Variants in DDX55 observed in about 807,000 individuals in gnomAD.
DDX55 encodes ATP-dependent RNA helicase DDX55.
DDX55 carries 56 observed loss-of-function variants against 69.2 expected under a neutral mutation model. The observed-to-expected ratio is 0.81, with a 90% confidence interval of 0.65 to 1.01. The LOEUF is 1.01. DDX55 is among the 50% of genes least tolerant of loss of function. The probability of loss-of-function intolerance (pLI) is 0.00; values close to 1 mark genes in which losing one functional copy is unlikely to be tolerated. For synonymous variants in DDX55, 268 were observed against 273.1 expected (o/e 0.98, Z 0.18); for missense variants, 720 against 745.1 (o/e 0.97, Z 0.39).
At position 123,616,568 on chromosome 12, in the gene DDX55, C is replaced by G; in HGVS notation, c.1014C>G (p.Asn338Lys). ...MARGIDIPEV[N>K]WVLQYDPPSN... is the part of the protein sequence containing the mutation. ...GGGGAATTGATATTCCTGAAGTCAA[C>G]TGGGTTTTGCAGTATGACCCTCCCA... is the stretch of plus-strand genomic sequence containing the variant. The change falls in exon 10 of 14, where the codon AAC becomes AAG. Residue 338 changes from asparagine to lysine, a missense_variant. Transcript: ENST00000238146. 6 of 1,614,152 alleles carry G rather than the reference C, an allele frequency of 3.7e-6. No individual in the cohort carries two copies. The African/African-American group carries it at 8.0e-5, about 22-fold the overall frequency.
Position 123,620,588 on chromosome 12 carries a change from A to ATATATATT in DDX55, c.*455_*456insTTATATAT. 1 of 52,632 alleles carries ATATATATT rather than the reference A, an allele frequency of 1.9e-5. No individual in the cohort carries two copies. Among genetic ancestry groups the ATATATATT allele is most frequent in the African/African-American group, 6.9e-5 (1 of 14,480 alleles). 3.3% of individuals were successfully genotyped at this position (52,632 alleles called of 1,614,324 possible). On this transcript the variant is annotated 3_prime_UTR_variant, in exon 14 of 14. Transcript: ENST00000238146. Reference sequence around the variant, plus strand: ...ATAGACATATGTACATATTATATATATATATATATATATATATATATATAT... The same window carrying ATATATATT: ...ATAGACATATGTACATATTATATATATATATATTTATATATATATATATATATATATAT...
At chr12:123,604,235 G>A (rs73216979) in intron 1 of DDX55, among the ~76,000 whole-genome samples, 62 of 151,864 alleles carry the variant, frequency 4.1e-4, no homozygotes, top group Non-Finnish European at 6.3e-4. Context: ...AGTGAGACCC[G>A]CATCTTCGAA....
intron 9 of DDX55, among the ~76,000 whole-genome samples, chr12:123,616,122 T>C (rs554763620): frequency 3.3e-5 from 5 of 152,242 alleles, no homozygotes; most frequent in Non-Finnish European, 5.9e-5. Context: ...TTTTCTGTTT[T>C]TCTTAATCAT....
At chr12:123,615,058 T>C in intron 8 of DDX55, 127 bp from the exon 9 acceptor site, 1 of 1,292,954 alleles carries the variant, frequency 7.7e-7, no homozygotes, top group East Asian at 2.4e-5. Flanking sequence ...CCATTTTCCT[T>C]GTCATTCCCC....
At chr12:123,612,228 C>T (rs1184785290) in intron 7 of DDX55, among the ~76,000 whole-genome samples, 4 of 151,976 alleles carry the variant, frequency 2.6e-5, no homozygotes, top group Non-Finnish European at 5.9e-5. Flanking sequence ...ATTCAAAAGC[C>T]AAAAAACACT....
chr12:123,602,843 G>C (rs368271693), intron 1 of DDX55, among the ~76,000 whole-genome samples: 1 of 152,202 alleles, frequency 6.6e-6, no homozygotes, highest in Non-Finnish European at 1.5e-5. Context: ...TAAGACGGTT[G>C]TGATAGTGTC....
intron 3 of DDX55, among the ~76,000 whole-genome samples, chr12:123,606,871 C>T (rs1247848940): frequency 2.6e-5 from 4 of 152,106 alleles, no homozygotes; most frequent in African/African-American, 7.2e-5. Context: ...CTACCGCGCC[C>T]GGCCATTTTG....
intron 7 of DDX55, among the ~76,000 whole-genome samples, chr12:123,611,716 G>C (rs1050201413): frequency 2.6e-5 from 4 of 152,212 alleles, no homozygotes; most frequent in Admixed American, 6.5e-5. Flanking sequence ...GGAGAGTGTT[G>C]TCAAAATCAG....
In DDX55 at chr12:123,615,266, G is replaced by C. The variant is rs1361012231; in HGVS notation, c.906G>C (p.Lys302Asn). 1 of 1,614,034 alleles carries C rather than the reference G, an allele frequency of 6.2e-7. No homozygotes were observed. The highest frequency in any genetic ancestry group is 1.3e-5 in the African/African-American group (1 of 74,936). The change falls in exon 9 of 14, where the codon AAG becomes AAC. Residue 302 changes from lysine to asparagine, a missense_variant. Coordinates refer to ENST00000238146, the MANE Select transcript of DDX55 (RefSeq NM_020936.3). ...KGVKIMCIHG[K>N]MKYKRNKIFM... The stretch of plus-strand genomic sequence containing the variant: ...TGAAGATTATGTGCATTCACGGAAA[G>C]ATGAAATATAAACGCAATAAGATCT...
At position 123,607,643 on chromosome 12, in the gene DDX55, GA is replaced by G; in HGVS notation, c.383del (p.Glu128GlyfsTer86). 2.5e-6 allele frequency: 4 copies of G among 1,614,162 alleles called. No individual in the cohort carries two copies. Among genetic ancestry groups the G allele is most frequent in the Non-Finnish European group, 3.4e-6 (4 of 1,180,032 alleles). ...AGGCAGGAATCCTGGAGAAGATGTT[GA>G]GAGGTTTAAGCAACAAGGGTGAGTT... The part of the protein sequence containing the change: ...IGGRNPGEDV[E>X]RFKQQGGNII... On this transcript the variant is annotated frameshift_variant, in exon 5 of 14. Coordinates refer to ENST00000238146, the MANE Select transcript of DDX55 (RefSeq NM_020936.3). LOFTEE classifies it high-confidence loss of function.
In DDX55 at chr12:123,615,303, C is replaced by G; in HGVS notation, c.943C>G (p.Arg315Gly). The change falls in exon 9 of 14, where the codon CGC becomes GGC. Residue 315 changes from arginine (R) to glycine (G), a missense_variant. Arg to Gly is a moderately radical substitution (Grantham distance 125). Transcript: ENST00000238146. ...YKRNKIFMEF[R>G]KLQSGILVCT... ...ACGCAATAAGATCTTCATGGAGTTC[C>G]GCAAATTGCAAAGGTGGGTGGGCTT... 6.2e-7 allele frequency: 1 copy of G among 1,613,810 alleles called. No individual in the cohort carries two copies.
In DDX55 at chr12:123,607,483, G is replaced by A. The variant is rs1351655990; in HGVS notation, c.298G>A (p.Glu100Lys). 13 of 1,614,138 alleles carry A rather than the reference G, an allele frequency of 8.1e-6. No individual in the cohort carries two copies. The highest frequency in any genetic ancestry group is 1.1e-5 in the South Asian group (1 of 91,088). ...PTRELAIQIDEVLSHFTKHFP... is the reference protein window; with the variant it reads ...PTRELAIQIDKVLSHFTKHFP... ...TCGAGAGCTGGCCATTCAAATAGACGAGGTCCTGTCGCATTTCACGAAGCA... is the reference window on the plus strand; with the variant it reads ...TCGAGAGCTGGCCATTCAAATAGACAAGGTCCTGTCGCATTTCACGAAGCA... The change falls in exon 4 of 14, where the codon GAG becomes AAG. Residue 100 changes from glutamate to lysine, a missense_variant. By Grantham distance (56) the Glu-to-Lys change is moderately conservative. Coordinates refer to ENST00000238146, the MANE Select transcript of DDX55 (RefSeq NM_020936.3).
intron 5 of DDX55, chr12:123,608,253 C>T: frequency 7.1e-6 from 1 of 140,102 alleles, no homozygotes; most frequent in Non-Finnish European, 1.4e-5. Flanking sequence ...TTGCGTAAGT[C>T]AGAGGTTGGT....
At position 123,615,411 on chromosome 12, in the gene DDX55, TGTG is replaced by T. The variant is rs896812703; in HGVS notation, c.956+96_956+98del. On this transcript the variant is annotated intron_variant, in intron 9 of 13. Coordinates refer to ENST00000238146, the MANE Select transcript of DDX55 (RefSeq NM_020936.3). ...TCTCTAGTAGCCTGTGCTGTCCGCA[TGTG>T]TTGTCTTTCCTGCCTGGAACCCTCT... The T allele has an allele frequency of 1.5e-5, 22 of 1,516,630 alleles. No homozygotes were observed. In the Admixed American group the frequency reaches 4.3e-4, roughly 30 times the overall value. 93.9% of individuals were successfully genotyped at this position (1,516,630 alleles called of 1,614,324 possible).
In DDX55 at chr12:123,607,675, G is replaced by C. The variant is rs751035732; in HGVS notation, c.401+13G>C. The C allele has an allele frequency of 2.5e-5, 40 of 1,613,932 alleles. No homozygotes were observed. The Admixed American group carries it at 6.0e-4, about 24-fold the overall frequency. Reference sequence around the variant, plus strand: ...TTAAGCAACAAGGGTGAGTTTGCTCGTGTCTGCTTGTTTCTTTGCTTGCTT... The same window carrying C: ...TTAAGCAACAAGGGTGAGTTTGCTCCTGTCTGCTTGTTTCTTTGCTTGCTT... On this transcript the variant is annotated intron_variant, in intron 5 of 13. Coordinates refer to ENST00000238146, the MANE Select transcript of DDX55 (RefSeq NM_020936.3).
intron 10 of DDX55, among the ~76,000 whole-genome samples, chr12:123,617,109 A>G (rs1954732641): frequency 6.6e-6 from 1 of 152,198 alleles, no homozygotes; most frequent in South Asian, 2.1e-4. Flanking sequence ...GTGCCACTTC[A>G]CTCCAGCCTG....
chr12:123,617,573 CTGTT>C (rs1279194186), intron 10 of DDX55, among the ~76,000 whole-genome samples, 181 bp from the exon 11 acceptor site: 2 of 152,244 alleles, frequency 1.3e-5, no homozygotes, highest in Admixed American at 1.3e-4. Flanking sequence ...AGAATCGTAT[CTGTT>C]TGCAGTGTTG....
At position 123,620,351 on chromosome 12, in the gene DDX55, G is replaced by C; in HGVS notation, c.*211G>C. 1 of 424,484 alleles carries C rather than the reference G, an allele frequency of 2.4e-6. No individual in the cohort carries two copies. Among genetic ancestry groups the C allele is most frequent in the East Asian group, 4.1e-5 (1 of 24,402 alleles). 26.3% of individuals were successfully genotyped at this position (424,484 alleles called of 1,614,324 possible). A position where few individuals can be genotyped will look rare whatever the true frequency, so the allele number is the denominator to read the frequency against. Reference sequence around the variant, plus strand: ...ATTCCAGTCTTGGCCGGGTGCGGTGGCTCCTGCCTATAATCCCAGCACTTT... The same window carrying C: ...ATTCCAGTCTTGGCCGGGTGCGGTGCCTCCTGCCTATAATCCCAGCACTTT... On this transcript the variant is annotated 3_prime_UTR_variant, in exon 14 of 14. Transcript: ENST00000238146.
At chr12:123,615,396 C>A (rs1242516505) in intron 9 of DDX55, 80 bp downstream of exon 9, 3 of 1,552,168 alleles carry the variant, frequency 1.9e-6, no homozygotes, top group Non-Finnish European at 2.6e-6. Context: ...TCTCTAGTAG[C>A]CTGTGCTGTC....
Sources: allele counts gnomAD v4.1 joint callset (sites outside exome capture counted in the v4.1 genomes callset), GRCh38; gene constraint gnomAD v4.1.1; transcripts MANE v1.5; gene names NCBI Gene and HGNC (gene_info 2026-07-23, HGNC 2026-07-21).